Variants in SMAD3 observed in about 807,000 individuals in gnomAD.
SMAD3 encodes the protein MAD homolog 3.
A neutral mutation model predicts 51.8 loss-of-function variants in SMAD3; 12 were observed. The ratio of observed to expected loss-of-function variants is 0.23; its 90% CI spans 0.15 to 0.38. SMAD3 has a LOEUF of 0.38. Among genes scored for constraint, SMAD3 ranks in the 10% least tolerant of loss-of-function variants. The pLI, the probability that SMAD3 is intolerant of heterozygous loss-of-function variation, is 1.00. For synonymous variants in SMAD3, 238 were observed against 227.7 expected (o/e 1.05, Z -0.41); for missense variants, 294 against 565.6 (o/e 0.52, Z 4.87).
At chr15:67,165,686 C>T (rs997248750) in intron 3 of SMAD3, among the ~76,000 whole-genome samples, 6 of 152,230 alleles carry the variant, frequency 3.9e-5, no homozygotes, top group Admixed American at 2.0e-4. Flanking sequence ...TTTCTCTCAC[C>T]GCCCTTGAGG....
intron 1 of SMAD3, among the ~76,000 whole-genome samples, chr15:67,139,152 G>T (rs1036642358): frequency 3.3e-5 from 5 of 152,194 alleles, no homozygotes; most frequent in African/African-American, 9.7e-5. Flanking sequence ...CGATTCTTGT[G>T]TTCTGTGCTC....
At position 67,066,187 on chromosome 15, in the gene SMAD3, C is replaced by A. The variant is rs750644348; in HGVS notation, c.33C>A (p.Ile11=). The A allele has an allele frequency of 1.2e-6, 2 of 1,610,346 alleles. No homozygotes were observed. The highest frequency in any genetic ancestry group is 2.2e-5 in the East Asian group (1 of 44,726). The change falls in exon 1 of 9, where the codon ATC becomes ATA. Residue 11 remains isoleucine (I), a synonymous_variant. Coordinates refer to ENST00000327367, the MANE Select transcript of SMAD3 (RefSeq NM_005902.4). ...CCATCCTGCCTTTCACTCCCCCGAT[C>A]GTGAAGCGCCTGCTGGGCTGGAAGA... MSSILPFTPP[I]VKRLLGWKKG...
intron 1 of SMAD3, among the ~76,000 whole-genome samples, chr15:67,068,598 T>A (rs1959981106): frequency 6.6e-6 from 1 of 152,248 alleles, no homozygotes; most frequent in Non-Finnish European, 1.5e-5. Flanking sequence ...GACTGAGGCA[T>A]CTTCTGCCTG....
Position 67,190,564 on chromosome 15 carries a change from G to T in SMAD3, c.*28G>T, listed in dbSNP as rs1395131111. Reference sequence around the variant, plus strand: ...ACATCAAGTATGGTAGGGGAGGGCAGGCTTGGGGAAAATGGCCATGCAGGA... The same window carrying T: ...ACATCAAGTATGGTAGGGGAGGGCATGCTTGGGGAAAATGGCCATGCAGGA... On this transcript the variant is annotated 3_prime_UTR_variant, in exon 9 of 9. Coordinates refer to ENST00000327367, the MANE Select transcript of SMAD3 (RefSeq NM_005902.4). 1 of 1,612,700 alleles carries T rather than the reference G, an allele frequency of 6.2e-7. No homozygotes were observed. Among genetic ancestry groups the T allele is most frequent in the Non-Finnish European group, 8.5e-7 (1 of 1,179,068 alleles).
chr15:67,101,702 C>T (rs1013344608), intron 1 of SMAD3, among the ~76,000 whole-genome samples: 16 of 152,160 alleles, frequency 1.1e-4, no homozygotes, highest in Admixed American at 7.2e-4. Flanking sequence ...ATGACAAGAT[C>T]GAGATTGATT....
chr15:67,145,425 G>A (rs1042425414), intron 1 of SMAD3, among the ~76,000 whole-genome samples: 1 of 152,144 alleles, frequency 6.6e-6, no homozygotes, highest in Non-Finnish European at 1.5e-5. Context: ...AGGATGCTGT[G>A]CCATTTAAAA....
At chr15:67,180,154 G>C (rs911508820) in intron 5 of SMAD3, among the ~76,000 whole-genome samples, 3 of 152,202 alleles carry the variant, frequency 2.0e-5, no homozygotes, top group Non-Finnish European at 4.4e-5. Flanking sequence ...GTGCAGTGCA[G>C]AGAAGCAGTT....
chr15:67,097,074 G>T (rs9302242), intron 1 of SMAD3, among the ~76,000 whole-genome samples: 1 of 151,926 alleles, frequency 6.6e-6, no homozygotes, highest in Non-Finnish European at 1.5e-5. Flanking sequence ...GTCTCCTTGG[G>T]TGAGTCATTT....
intron 1 of SMAD3, among the ~76,000 whole-genome samples, chr15:67,070,896 T>C (rs922861680): frequency 6.6e-6 from 1 of 152,162 alleles, no homozygotes; most frequent in Non-Finnish European, 1.5e-5. Flanking sequence ...AGATAAGTTC[T>C]GTGGAAGTGT....
At chr15:67,183,150 C>G (rs10152595) in intron 6 of SMAD3, among the ~76,000 whole-genome samples, 33,648 of 147,680 alleles carry the variant, frequency 0.23, 4,386 homozygotes, top group East Asian at 0.47. Flanking sequence ...TCAAGTGATT[C>G]TCCTGCTTCA....
chr15:67,155,671 C>T lies in SMAD3; in HGVS notation c.207-9224C>T, dbSNP rs575558112. 2.0e-5 allele frequency among the ~76,000 whole-genome samples: 3 copies of T among 152,220 alleles called. No homozygotes were observed. In the South Asian group the frequency reaches 6.2e-4, roughly 32 times the overall value. On this transcript the variant is annotated intron_variant, in intron 1 of 8. Transcript: ENST00000327367. ...GAACCAGAAAAAAAGAAAAGGAAAACCCACGTAGAATGCAAAATTTAAGTA... is the reference window on the plus strand; with the variant it reads ...GAACCAGAAAAAAAGAAAAGGAAAATCCACGTAGAATGCAAAATTTAAGTA...
rs1402001403 is a variant in SMAD3 at position 67,165,306 on chromosome 15, C to G, written c.454C>G (p.Pro152Ala). 7 of 1,614,106 alleles carry G rather than the reference C, an allele frequency of 4.3e-6. No homozygotes were observed. The highest frequency in any genetic ancestry group is 3.3e-5 in the South Asian group (3 of 91,092). Residue 152 changes from proline (P) to alanine (A), a missense_variant, in exon 3 of 9, where the codon CCA (proline) becomes GCA (alanine). By Grantham distance (27) the Pro-to-Ala change is conservative. Coordinates refer to ENST00000327367, the MANE Select transcript of SMAD3 (RefSeq NM_005902.4). ...RHTEIPAEFPPLDDYSHSIPE... is the reference protein window; with the variant it reads ...RHTEIPAEFPALDDYSHSIPE... ...CACAGAGATCCCGGCCGAGTTCCCC[C>G]CACTGGACGACTACAGCCATTCCAT...
chr15:67,120,715 A>G (rs950102611), intron 1 of SMAD3, among the ~76,000 whole-genome samples: 1 of 152,208 alleles, frequency 6.6e-6, no homozygotes, highest in African/African-American at 2.4e-5. Flanking sequence ...TTCAAGCTTC[A>G]TGGCTGCTCC....
At chr15:67,188,148 C>CTTTTTTT (rs11367565) in intron 8 of SMAD3, among the ~76,000 whole-genome samples, 30 of 115,996 alleles carry the variant, frequency 2.6e-4, no homozygotes, top group East Asian at 5.8e-4. Flanking sequence ...TTTTCTTTTT[C>CTTTTTTT]TTTTTTTTTT....
intron 1 of SMAD3, chr15:67,138,439 G>A (rs1961728034): frequency 3.3e-6 from 1 of 301,140 alleles, no homozygotes; most frequent in South Asian, 4.1e-5. Context: ...TGCTGGGGAG[G>A]GGAGCTATTT....
chr15:67,166,077 G>A (rs553698012), intron 3 of SMAD3: 1 of 592,002 alleles, frequency 1.7e-6, no homozygotes, highest in Admixed American at 5.4e-5. Context: ...TTCATCCTGG[G>A]TTAGTTTACT....
intron 1 of SMAD3, among the ~76,000 whole-genome samples, chr15:67,077,221 G>C (rs1960189157): frequency 6.6e-6 from 1 of 151,866 alleles, no homozygotes; most frequent in Admixed American, 6.6e-5. Context: ...AGGCATTTCT[G>C]TATGTATGTA....
intron 1 of SMAD3, among the ~76,000 whole-genome samples, chr15:67,097,973 C>T (rs1960651762): frequency 6.6e-6 from 1 of 152,202 alleles, no homozygotes; most frequent in African/African-American, 2.4e-5. Context: ...CTGGTCCTCT[C>T]ACACTGTCAC....
At chr15:67,099,997 C>T (rs1566968068) in intron 1 of SMAD3, among the ~76,000 whole-genome samples, 1 of 152,054 alleles carries the variant, frequency 6.6e-6, no homozygotes, top group Non-Finnish European at 1.5e-5. Flanking sequence ...TCCTGACCAA[C>T]ATGGTGAAAC....
Sources: allele counts gnomAD v4.1 joint callset (sites outside exome capture counted in the v4.1 genomes callset), GRCh38; gene constraint gnomAD v4.1.1; transcripts MANE v1.5; gene names NCBI Gene and HGNC (gene_info 2026-07-23, HGNC 2026-07-21).